FOXP2: variants seen among roughly 807,000 people sequenced by gnomAD.
FOXP2 encodes forkhead box protein P2.
A neutral mutation model predicts 115.8 loss-of-function variants in FOXP2; 12 were observed. The ratio of observed to expected loss-of-function variants is 0.10; its 90% confidence interval spans 0.07 to 0.17. The LOEUF is 0.17. Ranked by LOEUF, FOXP2 falls within the 10% of genes least tolerant of loss-of-function variation. The probability of loss-of-function intolerance (pLI) is 1.00; values close to 1 mark genes in which losing one functional copy is unlikely to be tolerated. For missense variants in FOXP2, 629 were observed against 843.5 expected, an observed-to-expected ratio of 0.75 and a Z score of 3.15; for synonymous variants, 328 against 297.7, an observed-to-expected ratio of 1.10 and a Z score of -1.05.
chr7:114,116,752 T>C (rs1370316641), intron 1 of FOXP2, among the ~76,000 whole-genome samples: 6 of 152,082 alleles, frequency 3.9e-5, no homozygotes, highest in Admixed American at 3.9e-4. Flanking sequence ...TGATTAAACA[T>C]TAATGTGGAA....
At chr7:114,086,572 G>A, upstream of FOXP2, 1 of 412,200 alleles carries the variant, frequency 2.4e-6, no homozygotes, top group East Asian at 1.1e-4. Flanking sequence ...CGCCGCGGGT[G>A]CCACCTCCCG....
intron 1 of FOXP2, among the ~76,000 whole-genome samples, chr7:114,171,814 T>A (rs1441952433): frequency 6.6e-6 from 1 of 152,226 alleles, no homozygotes. Context: ...TAGAAAGGAT[T>A]CAGATTTCTG....
At chr7:114,158,022 A>G (rs1456720053) in intron 1 of FOXP2, among the ~76,000 whole-genome samples, 1 of 152,142 alleles carries the variant, frequency 6.6e-6, no homozygotes, top group Non-Finnish European at 1.5e-5. Flanking sequence ...CTGAAAATAT[A>G]TCAGCCATTA....
chr7:114,481,844 G>C (rs1397221364), intron 2 of FOXP2, among the ~76,000 whole-genome samples: 6 of 150,586 alleles, frequency 4.0e-5, no homozygotes, highest in Admixed American at 2.7e-4. Flanking sequence ...ATGGTTAGAA[G>C]TTGTAACCCG....
At chr7:114,653,235 T>C (rs1377198614) in intron 9 of FOXP2, 1 of 154,312 alleles carries the variant, frequency 6.5e-6, no homozygotes, top group Non-Finnish European at 1.5e-5. Context: ...CTGTTTACCA[T>C]TTATAAAAGG....
chr7:114,692,811 G>A lies in FOXP2; in HGVS notation c.*2885G>A. ...ACAAACATCTGTTTATGTATTGGTG[G>A]AATATACCTGTTTTATTTATCTTTT... On this transcript the variant is annotated 3_prime_UTR_variant, in exon 17 of 17. Transcript: ENST00000350908. 2.2e-6 allele frequency: 1 copy of A among 449,090 alleles called. No homozygotes were observed. Among genetic ancestry groups the A allele is most frequent in the Non-Finnish European group, 4.5e-6 (1 of 224,170 alleles). The allele number at this position is 449,090 out of a possible 1,614,324, so 27.8% of individuals were successfully genotyped here. A position where few individuals can be genotyped will look rare whatever the true frequency, so the allele number is the denominator to read the frequency against.
intron 16 of FOXP2, among the ~76,000 whole-genome samples, chr7:114,681,150 C>T (rs1230036596): frequency 6.6e-6 from 1 of 152,060 alleles, no homozygotes; most frequent in Non-Finnish European, 1.5e-5. Context: ...TATTAAAAGC[C>T]TCACTGTGCC....
intron 2 of FOXP2, among the ~76,000 whole-genome samples, chr7:114,529,050 A>G (rs965698105): frequency 6.6e-6 from 1 of 151,898 alleles, no homozygotes; most frequent in African/African-American, 2.4e-5. Flanking sequence ...AGGTAATATT[A>G]GGATATTACA....
In FOXP2 at chr7:114,430,830, A is replaced by G. The variant is rs142521079; in HGVS notation, c.168+4151A>G. On this transcript the variant is annotated intron_variant, in intron 2 of 16. Coordinates refer to ENST00000350908, the MANE Select transcript of FOXP2 (RefSeq NM_014491.4). ...ACTTATACTCGCTTAATCTCAATTG[A>G]CAAGCATCTACCAAAATACTAGGTG... is the stretch of plus-strand genomic sequence containing the variant. Among the ~76,000 whole-genome samples, 58 of 151,994 alleles carry G rather than the reference A, an allele frequency of 3.8e-4. 2 individuals are homozygous for G. Among genetic ancestry groups the G allele is most frequent in the South Asian group, 1.7e-3 (8 of 4,830 alleles).
chr7:114,398,634 A>G (rs2129195978), intron 2 of FOXP2, among the ~76,000 whole-genome samples: 1 of 152,358 alleles, frequency 6.6e-6, no homozygotes, highest in Non-Finnish European at 1.5e-5. Context: ...TTTTTAAAAG[A>G]TGTTGGTATG....
chr7:114,454,711 C>G (rs1277629752), intron 2 of FOXP2, among the ~76,000 whole-genome samples: 2 of 100,016 alleles, frequency 2.0e-5, no homozygotes, highest in Non-Finnish European at 4.1e-5. Context: ...GAGTTCATGT[C>G]CTTTGTAGGG....
chr7:114,678,053 T>C (rs1327918549), intron 16 of FOXP2, among the ~76,000 whole-genome samples: 1 of 152,220 alleles, frequency 6.6e-6, no homozygotes, highest in Non-Finnish European at 1.5e-5. Context: ...GACTGAAGCA[T>C]GCACATGCAC....
intron 2 of FOXP2, among the ~76,000 whole-genome samples, chr7:114,336,085 C>G (rs959663298): frequency 2.0e-5 from 3 of 151,644 alleles, no homozygotes; most frequent in African/African-American, 7.2e-5. Context: ...TGATGCCCCT[C>G]TAGTGATGTT....
chr7:114,529,551 CAT>C (rs997122978), intron 2 of FOXP2, among the ~76,000 whole-genome samples: 1 of 151,668 alleles, frequency 6.6e-6, no homozygotes, highest in Non-Finnish European at 1.5e-5. Context: ...ATTTGGCCTC[CAT>C]AGTGATGTAC....
intron 2 of FOXP2, among the ~76,000 whole-genome samples, chr7:114,391,964 T>C (rs4730636): frequency 0.46 from 70,567 of 152,058 alleles, 19,182 homozygotes; most frequent in East Asian, 0.95. Context: ...ATAATTTCAT[T>C]GCATTAATTA....
intron 2 of FOXP2, among the ~76,000 whole-genome samples, chr7:114,400,777 T>C (rs1388055637): frequency 6.6e-6 from 1 of 152,090 alleles, no homozygotes; most frequent in Non-Finnish European, 1.5e-5. Context: ...CCTCCTGCTA[T>C]GTGGCCCAGT....
intron 3 of FOXP2, among the ~76,000 whole-genome samples, chr7:114,549,140 A>C (rs903267689): frequency 6.6e-6 from 1 of 152,188 alleles, no homozygotes; most frequent in African/African-American, 2.4e-5. Flanking sequence ...TCTTACCCCA[A>C]ACTTCCATTG....
intron 1 of FOXP2, among the ~76,000 whole-genome samples, chr7:114,218,474 C>T (rs1359048979): frequency 6.6e-6 from 1 of 151,882 alleles, no homozygotes; most frequent in Non-Finnish European, 1.5e-5. Flanking sequence ...GTAGCATGTG[C>T]AAAAAATGCC....
At chr7:114,226,005 A>G (rs1224454699) in intron 1 of FOXP2, among the ~76,000 whole-genome samples, 3 of 152,112 alleles carry the variant, frequency 2.0e-5, no homozygotes, top group Non-Finnish European at 4.4e-5. Flanking sequence ...TGCACTTGTT[A>G]ACTTTAGGAA....
Sources: allele counts gnomAD v4.1 joint callset (sites outside exome capture counted in the v4.1 genomes callset), GRCh38; gene constraint gnomAD v4.1.1; transcripts MANE v1.5; gene names NCBI Gene and HGNC (gene_info 2026-07-23, HGNC 2026-07-21).